BCAR3: variants seen among roughly 807,000 people sequenced by gnomAD.
The protein encoded by BCAR3 is BCAR3 adaptor protein, NSP family member, also known as breast cancer anti-estrogen resistance protein 3.
BCAR3 carries 37 observed loss-of-function variants against 80.1 expected under a neutral mutation model. That is an observed-to-expected ratio of 0.46 (90% CI 0.36 to 0.61). The LOEUF is 0.61. Ranked by LOEUF, BCAR3 falls within the 20% of genes least tolerant of loss-of-function variation. BCAR3 has a pLI of 0.00. For missense variants in BCAR3, 978 were observed against 1,068.2 expected, an observed-to-expected ratio of 0.92 and a Z score of 1.18; for synonymous variants, 389 against 418.9, an observed-to-expected ratio of 0.93 and a Z score of 0.87.
intron 2 of BCAR3, among the ~76,000 whole-genome samples, chr1:93,757,200 T>C (rs1208542879): frequency 6.6e-6 from 1 of 152,100 alleles, no homozygotes; most frequent in Non-Finnish European, 1.5e-5. Flanking sequence ...TGAGGAGTGG[T>C]CTTCCAAAAG....
intron 2 of BCAR3, among the ~76,000 whole-genome samples, chr1:93,837,346 T>C (rs1027526716): frequency 3.9e-5 from 6 of 152,270 alleles, no homozygotes; most frequent in African/African-American, 2.4e-5. Flanking sequence ...TAAGCCTCAG[T>C]TGCTCTGTGT....
intron 2 of BCAR3, among the ~76,000 whole-genome samples, chr1:93,774,352 C>T (rs952737312): frequency 1.3e-5 from 2 of 151,874 alleles, no homozygotes; most frequent in South Asian, 2.1e-4. Context: ...GGCGTGGTGG[C>T]GTGCACCTGT....
Position 93,845,138 on chromosome 1 carries a change from G to A in BCAR3, c.-63+429C>T, listed in dbSNP as rs2391315. Among the ~76,000 whole-genome samples, 6 of 151,382 alleles carry A rather than the reference G, an allele frequency of 4.0e-5. No homozygotes were observed. The South Asian group carries it at 8.3e-4, about 21-fold the overall frequency. The stretch of plus-strand genomic sequence containing the variant: ...CCCCCTTTCCAGAATTTTTATATAC[G>A]CATCTCAACTGTCACTTAATCACGT... On this transcript the variant is annotated intron_variant, in intron 2 of 13. Transcript: ENST00000370244.
In BCAR3 at chr1:93,712,759, T is replaced by C. The variant is rs374815438; in HGVS notation, c.-62-6617A>G. ...CACCACTATTTCCCTTATGAAAAGA[T>C]TGAGGCTCCAAGAGTTCACATAACC... On this transcript the variant is annotated intron_variant, in intron 2 of 13. Coordinates refer to the BCAR3 transcript ENST00000370244. 1.6e-3 allele frequency among the ~76,000 whole-genome samples: 247 copies of C among 152,350 alleles called. 1 individual carries two copies. The highest frequency in any genetic ancestry group is 5.7e-3 in the African/African-American group (236 of 41,582).
At chr1:93,621,958 G>A (rs1201352898) in intron 3 of BCAR3, among the ~76,000 whole-genome samples, 2 of 152,162 alleles carry the variant, frequency 1.3e-5, no homozygotes, top group Non-Finnish European at 2.9e-5. Context: ...TGCAACCTCC[G>A]CCTCCCGGGT....
intron 8 of BCAR3, among the ~76,000 whole-genome samples, chr1:93,573,978 T>TAACA (rs1432717618): frequency 6.6e-6 from 1 of 152,228 alleles, no homozygotes; most frequent in Non-Finnish European, 1.5e-5. Context: ...TGCAAAATGT[T>TAACA]AACATTGACA....
At chr1:93,815,174 G>C (rs964613504) in intron 2 of BCAR3, among the ~76,000 whole-genome samples, 5 of 152,142 alleles carry the variant, frequency 3.3e-5, no homozygotes, top group African/African-American at 7.2e-5. Context: ...AGGTCCCACC[G>C]GGCCTCTTGG....
At chr1:93,677,558 T>TG (rs750256017) in intron 1 of BCAR3, among the ~76,000 whole-genome samples, 2 of 152,054 alleles carry the variant, frequency 1.3e-5, no homozygotes, top group Non-Finnish European at 2.9e-5. Flanking sequence ...GTGAAACCCA[T>TG]GGAGGAACAA....
At chr1:93,702,839 C>T (rs917705308) in intron 3 of BCAR3, among the ~76,000 whole-genome samples, 6 of 152,218 alleles carry the variant, frequency 3.9e-5, no homozygotes, top group Non-Finnish European at 5.9e-5. Context: ...TTCCAGAATA[C>T]TGCAATCCCC....
In BCAR3 at chr1:93,573,633, ATTTTTT is replaced by A. The variant is rs1156233219; in HGVS notation, c.1803-1798_1803-1793del. Among the ~76,000 whole-genome samples, 394 of 138,280 alleles carry A rather than the reference ATTTTTT, an allele frequency of 2.8e-3. 6 individuals carry two copies. Among genetic ancestry groups the A allele is most frequent in the African/African-American group, 8.1e-3 (287 of 35,386 alleles). The allele number at this position is 138,280 out of a possible 152,430, so 90.7% of individuals were successfully genotyped here. On this transcript the variant is annotated intron_variant, in intron 8 of 11. Coordinates refer to ENST00000260502, the MANE Select transcript of BCAR3 (RefSeq NM_003567.4). The stretch of plus-strand genomic sequence containing the variant: ...TTTTATTATTATTATTATTATTATT[ATTTTTT>A]TTTTTTTGAGACAGGGTTTTGCTCT...
At position 93,847,025 on chromosome 1, in the gene BCAR3, C is replaced by A; in HGVS notation, c.-209+45G>T. 4 of 147,336 alleles carry A rather than the reference C, an allele frequency of 2.7e-5. 1 individual carries two copies. The highest frequency in any genetic ancestry group is 1.3e-4 in the South Asian group (4 of 31,568). 9.1% of individuals were successfully genotyped at this position (147,336 alleles called of 1,614,324 possible). The stretch of plus-strand genomic sequence containing the variant: ...CCGCGGCTGGGTCGGGCGCGGCGGC[C>A]GGGCGCGAGGGAAGAGCCCAGGCCC... On this transcript the variant is annotated intron_variant, in intron 1 of 13. Transcript: ENST00000370244.
chr1:93,780,568 A>AG (rs1281321984), intron 2 of BCAR3, among the ~76,000 whole-genome samples: 1 of 110,098 alleles, frequency 9.1e-6, no homozygotes, highest in Non-Finnish European at 1.7e-5. Flanking sequence ...TGAAGAGGAG[A>AG]GGAAAAAAAA....
intron 3 of BCAR3, among the ~76,000 whole-genome samples, chr1:93,607,039 T>C (rs1674790823): frequency 6.6e-6 from 1 of 151,914 alleles, no homozygotes; most frequent in Admixed American, 6.6e-5. Flanking sequence ...AACTTACAAG[T>C]GAGAGTTTAT....
chr1:93,702,071 C>T (rs756623576), intron 3 of BCAR3, among the ~76,000 whole-genome samples: 1 of 152,150 alleles, frequency 6.6e-6, no homozygotes, highest in Non-Finnish European at 1.5e-5. Context: ...CTTCCTAAAG[C>T]TATCGATCCA....
intron 2 of BCAR3, among the ~76,000 whole-genome samples, chr1:93,642,772 G>A (rs143419992): frequency 2.0e-4 from 30 of 152,236 alleles, no homozygotes; most frequent in Admixed American, 9.2e-4. Context: ...TTGACAGTAA[G>A]AAGAGAGAGG....
At chr1:93,830,535 G>C (rs1010576062) in intron 2 of BCAR3, among the ~76,000 whole-genome samples, 2 of 151,994 alleles carry the variant, frequency 1.3e-5, no homozygotes, top group African/African-American at 2.4e-5. Flanking sequence ...CCCCCACTGA[G>C]CATCTTCTGA....
chr1:93,819,773 C>T lies in BCAR3; in HGVS notation c.-63+25794G>A, dbSNP rs79651844. 3.6e-3 allele frequency among the ~76,000 whole-genome samples: 546 copies of T among 152,134 alleles called. 2 individuals carry two copies. The highest frequency in any genetic ancestry group is 0.013 in the African/African-American group (531 of 41,502). On this transcript the variant is annotated intron_variant, in intron 2 of 13. Coordinates refer to the BCAR3 transcript ENST00000370244. Reference sequence around the variant, plus strand: ...TTTATTTATTTATTTTTCTTTCCAACTTTTATTTTAGGTTCAGGGGTACAA... The same window carrying T: ...TTTATTTATTTATTTTTCTTTCCAATTTTTATTTTAGGTTCAGGGGTACAA...
At chr1:93,588,124 T>G (rs1674020749) in intron 5 of BCAR3, among the ~76,000 whole-genome samples, 1 of 152,098 alleles carries the variant, frequency 6.6e-6, no homozygotes, top group Admixed American at 6.5e-5. Flanking sequence ...AGCCCTAATT[T>G]AAGTTTTCAG....
rs142930526 is a variant in BCAR3 at position 93,727,283 on chromosome 1, C to G, written c.-62-21141G>C. ...GAGGTCCCTGGATTTAATGTGGCAG[C>G]CTTACCTTACCTCTAGCCCAAGGCT... On this transcript the variant is annotated intron_variant, in intron 2 of 13. Coordinates refer to the BCAR3 transcript ENST00000370244. Among the ~76,000 whole-genome samples the G allele has an allele frequency of 7.3e-3, 1,109 of 152,302 alleles. 13 individuals carry two copies. Among genetic ancestry groups the G allele is most frequent in the African/African-American group, 0.026 (1,067 of 41,556 alleles).
Sources: gnomAD v4.1 joint callset for allele counts (sites outside exome capture counted in the v4.1 genomes callset) on GRCh38, gnomAD v4.1.1 for gene constraint, MANE v1.5 for transcripts, NCBI Gene and HGNC (gene_info 2026-07-23, HGNC 2026-07-21) for gene names.